The following RNF212 variants were observed in gnomAD, a reference collection of about 807,000 sequenced individuals.
RNF212 encodes ring finger protein 212.
Under a neutral mutation model 34.7 loss-of-function variants are expected in RNF212, and 33 were observed. The observed-to-expected ratio is 0.95, with a 90% CI of 0.72 to 1.27. RNF212 has a LOEUF of 1.27. Ranked by LOEUF, RNF212 falls within the 50% of genes most tolerant of loss-of-function variation. RNF212 has a pLI of 0.00. For synonymous variants in RNF212, 140 were observed against 136.1 expected, an observed-to-expected ratio of 1.03 and a Z score of -0.20; for missense variants, 377 against 362.2, an observed-to-expected ratio of 1.04 and a Z score of -0.33.
chr4:1,110,603 G>A (rs1725507293), intron 1 of RNF212, among the ~76,000 whole-genome samples: 1 of 152,190 alleles, frequency 6.6e-6, no homozygotes, highest in South Asian at 2.1e-4. Context: ...AACACGGAAG[G>A]AGGTCTATGT....
At chr4:1,095,475 G>C (rs1722932640) in intron 3 of RNF212, among the ~76,000 whole-genome samples, 2 of 48,496 alleles carry the variant, frequency 4.1e-5, no homozygotes, top group Admixed American at 1.9e-4. Flanking sequence ...ACGGTCTCGG[G>C]ATAGCGCACC....
At chr4:1,069,338 G>A (rs1245772012), downstream of RNF212, among the ~76,000 whole-genome samples, 1 of 152,220 alleles carries the variant, frequency 6.6e-6, no homozygotes, top group African/African-American at 2.4e-5. Flanking sequence ...AAGGAACTGT[G>A]GAAATGGAAA....
rs777781439 is a variant in RNF212, at chr4:1,096,741, C to G, written c.246+24G>C. ...TAGTGCACCTGGCTCATCACGGAAC[C>G]AAGCCACACCCCTCACAGCTCACCT... On this transcript the variant is annotated intron_variant, in intron 3 of 9. Transcript: ENST00000433731. The G allele has an allele frequency of 1.9e-6, 3 of 1,587,310 alleles. No individual in the cohort carries two copies. In the Admixed American group the frequency reaches 5.0e-5, roughly 26 times the overall value.
At chr4:1,110,521 G>C (rs1342227163) in intron 1 of RNF212, among the ~76,000 whole-genome samples, 1 of 152,180 alleles carries the variant, frequency 6.6e-6, no homozygotes, top group African/African-American at 2.4e-5. Context: ...CAAAACGGCA[G>C]AAACTATGTT....
chr4:1,085,192 T>C (rs963897651), intron 5 of RNF212, among the ~76,000 whole-genome samples: 5 of 152,250 alleles, frequency 3.3e-5, no homozygotes, highest in African/African-American at 1.2e-4. Flanking sequence ...TTGCTGAGCG[T>C]AATATGTGCC....
intron 9 of RNF212, among the ~76,000 whole-genome samples, 182 bp downstream of exon 9, chr4:1,073,417 C>G (rs1718752163): frequency 6.6e-6 from 1 of 152,090 alleles, no homozygotes; most frequent in South Asian, 2.1e-4. Flanking sequence ...TCATCAGGAG[C>G]TTCTCCCTGG....
At chr4:1,091,893 G>T (rs562106219) in intron 3 of RNF212, among the ~76,000 whole-genome samples, 1 of 152,298 alleles carries the variant, frequency 6.6e-6, no homozygotes, top group Non-Finnish European at 1.5e-5. Flanking sequence ...GACAGTCCTG[G>T]GTGCCACCCC....
intron 1 of RNF212, among the ~76,000 whole-genome samples, 173 bp from the exon 2 acceptor site, chr4:1,108,577 G>C (rs73063723): frequency 0.05 from 7,580 of 152,230 alleles, 650 homozygotes; most frequent in African/African-American, 0.17. Context: ...AGGATTTATA[G>C]AACTAACATT....
At chr4:1,098,957 G>A (rs998768902) in intron 2 of RNF212, among the ~76,000 whole-genome samples, 3 of 152,146 alleles carry the variant, frequency 2.0e-5, no homozygotes, top group Non-Finnish European at 4.4e-5. Flanking sequence ...AGATCGATCT[G>A]GTTCCATGGC....
At chr4:1,092,397 G>T (rs968495256) in intron 3 of RNF212, among the ~76,000 whole-genome samples, 2 of 152,108 alleles carry the variant, frequency 1.3e-5, no homozygotes, top group Non-Finnish European at 2.9e-5. Flanking sequence ...CATGAGCTTG[G>T]GGGGCAGCCA....
intron 2 of RNF212, chr4:1,099,769 G>A (rs1225686336): frequency 6.6e-6 from 3 of 456,154 alleles, no homozygotes; most frequent in Non-Finnish European, 1.3e-5. Flanking sequence ...GAGGGCGTAA[G>A]GAATGGAGGA....
At chr4:1,081,670 C>T (rs1720374176) in intron 5 of RNF212, 51 bp from the exon 6 acceptor site, 1 of 1,306,258 alleles carries the variant, frequency 7.7e-7, no homozygotes. Context: ...ACTGACTTCC[C>T]CCCAGGTCAT....
Position 1,087,757 on chromosome 4 carries a change from C to T in RNF212, c.304-1803G>A, listed in dbSNP as rs1314317620. Among the ~76,000 whole-genome samples, 7 of 151,890 alleles carry T rather than the reference C, an allele frequency of 4.6e-5. No individual in the cohort carries two copies. The East Asian group carries it at 1.4e-3, about 29-fold the overall frequency. Reference sequence around the variant, plus strand: ...GGTGATTGGATCATGGGGGTGCTTTCCCCCATGCTGTTCTCATGACAGTGA... The same window carrying T: ...GGTGATTGGATCATGGGGGTGCTTTTCCCCATGCTGTTCTCATGACAGTGA... On this transcript the variant is annotated intron_variant, in intron 4 of 9. Coordinates refer to ENST00000433731, the MANE Select transcript of RNF212 (RefSeq NM_001131034.4).
intron 3 of RNF212, among the ~76,000 whole-genome samples, chr4:1,065,106 T>C (rs1200100374): frequency 6.6e-6 from 1 of 152,244 alleles, no homozygotes; most frequent in African/African-American, 2.4e-5. Context: ...ATCTTGGGTA[T>C]ACAAGCATCT....
intron 8 of RNF212, among the ~76,000 whole-genome samples, chr4:1,074,635 G>A (rs1718980921): frequency 6.6e-6 from 1 of 152,172 alleles, no homozygotes; most frequent in Non-Finnish European, 1.5e-5. Context: ...AACCTTGGAA[G>A]GACGGACCCC....
rs534578464 is a variant in RNF212 at position 1,062,602 on chromosome 4, T to C, written n.148-4209A>G. Among the ~76,000 whole-genome samples the C allele has an allele frequency of 2.0e-5, 3 of 152,312 alleles. No homozygotes were observed. The East Asian group carries it at 5.8e-4, about 29-fold the overall frequency. On this transcript the variant is annotated intron_variant and non_coding_transcript_variant, in intron 3 of 4. Coordinates refer to the RNF212 transcript ENST00000503206. Reference sequence around the variant, plus strand: ...ATCAGGAACAGAACAAAGACAAGGATGTCTGTTCTTGCCGCTTGTATTCAA... The same window carrying C: ...ATCAGGAACAGAACAAAGACAAGGACGTCTGTTCTTGCCGCTTGTATTCAA...
chr4:1,059,184 C>T (rs1056046298), intron 3 of RNF212, among the ~76,000 whole-genome samples: 2 of 152,106 alleles, frequency 1.3e-5, no homozygotes, highest in Admixed American at 1.3e-4. Context: ...GCAGGAGGCC[C>T]CGAGCACAAG....
At chr4:1,093,907 A>G in intron 3 of RNF212, 1 of 1,535,990 alleles carries the variant, frequency 6.5e-7, no homozygotes, top group Non-Finnish European at 8.7e-7. Context: ...GTTCTTGGGG[A>G]TCTCTGGCTG....
At chr4:1,092,716 G>T (rs902845643) in intron 3 of RNF212, among the ~76,000 whole-genome samples, 1 of 152,258 alleles carries the variant, frequency 6.6e-6, no homozygotes, top group Non-Finnish European at 1.5e-5. Flanking sequence ...CAGAGGCTGC[G>T]CTGGGCCAGG....
Sources: gnomAD v4.1 joint callset for allele counts (sites outside exome capture counted in the v4.1 genomes callset) on GRCh38, gnomAD v4.1.1 for gene constraint, MANE v1.5 for transcripts, NCBI Gene and HGNC (gene_info 2026-07-23, HGNC 2026-07-21) for gene names.